Variants in VRK2 observed in about 807,000 individuals in gnomAD.
The protein encoded by VRK2 is VRK serine/threonine kinase 2, also known as serine/threonine-protein kinase VRK2.
VRK2 carries 60 observed loss-of-function variants against 57.6 expected under a neutral mutation model. That is an observed-to-expected ratio of 1.04 (90% CI 0.85 to 1.29). The LOEUF (loss-of-function observed/expected upper bound fraction) is 1.29. Among genes scored for constraint, VRK2 ranks in the 50% most tolerant of loss-of-function variants. VRK2 has a pLI of 0.00. For missense variants in VRK2, 705 were observed against 588.1 expected (o/e 1.20, Z -2.06); for synonymous variants, 231 against 199.2 (o/e 1.16, Z -1.35).
At chr2:58,021,991 AATTATAC>A (rs1171004277) in intron 1 of VRK2, among the ~76,000 whole-genome samples, 2 of 152,206 alleles carry the variant, frequency 1.3e-5, no homozygotes, top group Non-Finnish European at 2.9e-5. Context: ...AACGTTGGTA[AATTATAC>A]CTTCATGCTA....
chr2:57,961,880 A>G (rs1328100486), intron 1 of VRK2, among the ~76,000 whole-genome samples: 1 of 152,080 alleles, frequency 6.6e-6, no homozygotes, highest in East Asian at 1.9e-4. Context: ...AGTTGGAGAC[A>G]CAGCCTGGCA....
At chr2:58,032,202 G>T (rs542227794) in intron 2 of VRK2, among the ~76,000 whole-genome samples, 78 of 152,106 alleles carry the variant, frequency 5.1e-4, no homozygotes, top group African/African-American at 1.9e-3. Context: ...CATACTTAAT[G>T]TTTTTTTCCC....
At chr2:58,127,601 A>G (rs756943158) in intron 8 of VRK2, among the ~76,000 whole-genome samples, 2 of 152,236 alleles carry the variant, frequency 1.3e-5, no homozygotes, top group Non-Finnish European at 2.9e-5. Flanking sequence ...ATACTGAATT[A>G]CATAGGTTAC....
chr2:58,096,541 TA>T (rs1407487200), intron 7 of VRK2, among the ~76,000 whole-genome samples: 3 of 151,996 alleles, frequency 2.0e-5, no homozygotes, highest in Non-Finnish European at 4.4e-5. Flanking sequence ...TTTTATGACT[TA>T]AATTTTTCGT....
chr2:58,037,894 A>G (rs1674325932), intron 3 of VRK2, among the ~76,000 whole-genome samples: 2 of 152,148 alleles, frequency 1.3e-5, no homozygotes, highest in Non-Finnish European at 2.9e-5. Flanking sequence ...AATAAAAATT[A>G]AAACAACACA....
rs755618937 is a variant in VRK2, at chr2:58,159,504, A to G, written c.1338A>G (p.Arg446=). The change falls in exon 13 of 13, where the codon AGA becomes AGG. Residue 446 remains arginine (R), a synonymous_variant. Transcript: ENST00000340157. ...GTCCAGATATATTCAAGAAGTCAAGATCTCCATCTTGGTATAAATACACTT... is the reference window on the plus strand; with the variant it reads ...GTCCAGATATATTCAAGAAGTCAAGGTCTCCATCTTGGTATAAATACACTT... The part of the protein sequence containing the change: ...FTSPDIFKKS[R]SPSWYKYTST... 22 of 1,613,644 alleles carry G rather than the reference A, an allele frequency of 1.4e-5. No homozygotes were observed. Among genetic ancestry groups the G allele is most frequent in the Non-Finnish European group, 1.9e-5 (22 of 1,179,804 alleles).
chr2:58,115,632 AGTT>A (rs1158833311), intron 7 of VRK2, among the ~76,000 whole-genome samples: 1 of 152,126 alleles, frequency 6.6e-6, no homozygotes, highest in East Asian at 1.9e-4. Context: ...GAAGGAAAGG[AGTT>A]GTTGTTTTGT....
chr2:58,113,234 G>A (rs546141143), intron 7 of VRK2, among the ~76,000 whole-genome samples: 183 of 151,910 alleles, frequency 1.2e-3, no homozygotes, highest in Non-Finnish European at 1.9e-3. Context: ...ACATGAACCC[G>A]GGAGGCGGAG....
chr2:58,016,825 T>C (rs993021032), intron 1 of VRK2, among the ~76,000 whole-genome samples: 2 of 152,214 alleles, frequency 1.3e-5, no homozygotes, highest in African/African-American at 4.8e-5. Context: ...TTTTTATTTA[T>C]CCTCAAAAGA....
intron 7 of VRK2, among the ~76,000 whole-genome samples, chr2:58,100,426 A>AT (rs1673785010): frequency 2.0e-5 from 3 of 151,914 alleles, no homozygotes; most frequent in Admixed American, 2.0e-4. Flanking sequence ...ATACTATAAT[A>AT]TTACTAGGTG....
intron 10 of VRK2, among the ~76,000 whole-genome samples, chr2:58,135,682 T>C (rs549273859): frequency 5.3e-5 from 8 of 152,284 alleles, no homozygotes; most frequent in African/African-American, 1.9e-4. Flanking sequence ...AAAAAAAAAT[T>C]TTTATTAGCA....
intron 1 of VRK2, among the ~76,000 whole-genome samples, chr2:57,922,505 A>T (rs902392493): frequency 1.3e-5 from 2 of 151,792 alleles, no homozygotes; most frequent in African/African-American, 4.8e-5. Flanking sequence ...ATATTCAAAT[A>T]CAATTGTAAG....
intron 7 of VRK2, among the ~76,000 whole-genome samples, chr2:58,120,954 C>T (rs1677406498): frequency 6.6e-6 from 1 of 152,236 alleles, no homozygotes; most frequent in Admixed American, 6.5e-5. Context: ...AAACTCTCAT[C>T]TATATTGCAC....
rs115794051 is a variant in VRK2 at position 57,949,536 on chromosome 2, A to T, written c.-439+41697A>T. 9.6e-3 allele frequency among the ~76,000 whole-genome samples: 1,456 copies of T among 152,218 alleles called. 31 individuals are homozygous for T. The highest frequency in any genetic ancestry group is 0.032 in the African/African-American group (1,335 of 41,530). On this transcript the variant is annotated intron_variant, in intron 1 of 15. Transcript: ENST00000417641. ...ATAAAGTGGCAAACTTAATTGATAA[A>T]TGTCGTGTGTGTTTTTACTGCTCCA...
intron 1 of VRK2, among the ~76,000 whole-genome samples, chr2:57,916,682 A>G (rs1053225712): frequency 2.0e-5 from 3 of 152,186 alleles, no homozygotes; most frequent in Non-Finnish European, 4.4e-5. Context: ...TAGCTAATTA[A>G]GTATCTTGCC....
chr2:57,981,369 T>G (rs1672418304), intron 1 of VRK2, among the ~76,000 whole-genome samples: 1 of 152,216 alleles, frequency 6.6e-6, no homozygotes, highest in Non-Finnish European at 1.5e-5. Flanking sequence ...GGCCCCAAAC[T>G]ATTCTGGTTT....
intron 1 of VRK2, among the ~76,000 whole-genome samples, chr2:57,925,220 G>T (rs1338310190): frequency 6.6e-6 from 1 of 151,940 alleles, no homozygotes; most frequent in African/African-American, 2.4e-5. Context: ...TACTGGCCTT[G>T]TAGATGTGTT....
intron 1 of VRK2, among the ~76,000 whole-genome samples, chr2:57,942,497 C>T (rs1043130604): frequency 2.0e-5 from 3 of 152,056 alleles, no homozygotes; most frequent in African/African-American, 7.2e-5. Flanking sequence ...ACCTCAGCTT[C>T]TTTAGGTAAA....
chr2:58,010,100 C>G (rs1466882399), intron 1 of VRK2, among the ~76,000 whole-genome samples: 1 of 152,134 alleles, frequency 6.6e-6, no homozygotes, highest in Admixed American at 6.5e-5. Context: ...TCTCCACTAC[C>G]TGGCTCCTTT....
Sources: allele counts gnomAD v4.1 joint callset (sites outside exome capture counted in the v4.1 genomes callset), GRCh38; gene constraint gnomAD v4.1.1; transcripts MANE v1.5; gene names NCBI Gene and HGNC (gene_info 2026-07-23, HGNC 2026-07-21).